Variants in CNBD1 observed in about 807,000 individuals in gnomAD.
CNBD1 encodes the protein cyclic nucleotide binding domain containing 1.
CNBD1 carries 71 observed loss-of-function variants against 54.4 expected under a neutral mutation model. The ratio of observed to expected loss-of-function variants is 1.30; its 90% CI spans 1.08 to 1.59. The LOEUF is 1.59. CNBD1 is among the 40% of genes most tolerant of loss of function. The pLI, the probability that CNBD1 is intolerant of heterozygous loss-of-function variation, is 0.00. For missense variants in CNBD1, 659 were observed against 518.0 expected (o/e 1.27, Z -2.64); for synonymous variants, 182 against 170.7 (o/e 1.07, Z -0.51).
At chr8:87,307,040 C>T (rs995955747) in intron 8 of CNBD1, among the ~76,000 whole-genome samples, 11 of 152,172 alleles carry the variant, frequency 7.2e-5, no homozygotes, top group African/African-American at 1.7e-4. Flanking sequence ...ATAAAATAAT[C>T]GTAAAAATTT....
chr8:87,216,999 T>G, intron 5 of CNBD1, among the ~76,000 whole-genome samples: 1 of 152,166 alleles, frequency 6.6e-6, no homozygotes, highest in East Asian at 1.9e-4. Context: ...CTCTCCCTGT[T>G]ATCTGTTATC....
intron 8 of CNBD1, among the ~76,000 whole-genome samples, chr8:87,293,667 A>G (rs937772098): frequency 1.3e-5 from 2 of 152,236 alleles, no homozygotes; most frequent in Admixed American, 1.3e-4. Flanking sequence ...AAAAAGTATG[A>G]TTTTTAAACA....
chr8:87,207,801 G>A (rs1477094059), intron 5 of CNBD1, among the ~76,000 whole-genome samples: 1 of 152,086 alleles, frequency 6.6e-6, no homozygotes, highest in Non-Finnish European at 1.5e-5. Flanking sequence ...CAAGTGTCAG[G>A]TATTCCAACT....
Position 86,887,756 on chromosome 8 carries a change from G to A in CNBD1, c.158+145G>A, listed in dbSNP as rs114280865. ...GATAAAAACAGTTGAAAACCTGGGG[G>A]TTATTTCTTCAGATTGAAGGGGCAG... is the stretch of plus-strand genomic sequence containing the variant. On this transcript the variant is annotated intron_variant, in intron 2 of 10. Coordinates refer to ENST00000518476, the MANE Select transcript of CNBD1 (RefSeq NM_173538.3). The A allele has an allele frequency of 5.6e-3, 3,212 of 576,434 alleles. 103 individuals carry two copies. In the African/African-American group the frequency reaches 0.056, roughly 10 times the overall value. The allele number at this position is 576,434 out of a possible 1,614,324, so 35.7% of individuals were successfully genotyped here. A position where few individuals can be genotyped will look rare whatever the true frequency, so the allele number is the denominator to read the frequency against.
chr8:87,019,626 C>T (rs1294576036), intron 4 of CNBD1, among the ~76,000 whole-genome samples: 1 of 152,062 alleles, frequency 6.6e-6, no homozygotes, highest in Non-Finnish European at 1.5e-5. Flanking sequence ...ACTTGTCATC[C>T]CAGCACTTTG....
intron 4 of CNBD1, among the ~76,000 whole-genome samples, chr8:87,148,873 A>C (rs1469380370): frequency 6.6e-6 from 1 of 152,228 alleles, no homozygotes; most frequent in African/African-American, 2.4e-5. Context: ...GCTACTACTC[A>C]TAGGGGATTA....
chr8:86,869,871 G>A (rs990873941), intron 1 of CNBD1, among the ~76,000 whole-genome samples: 11 of 151,994 alleles, frequency 7.2e-5, no homozygotes, highest in Non-Finnish European at 1.3e-4. Flanking sequence ...TTTAATGGAA[G>A]GCAAGAAGCT....
At chr8:87,191,686 G>A (rs926144476) in intron 4 of CNBD1, among the ~76,000 whole-genome samples, 1 of 152,110 alleles carries the variant, frequency 6.6e-6, no homozygotes, top group Non-Finnish European at 1.5e-5. Flanking sequence ...TTAGTTCTTA[G>A]TCATTGCTGT....
intron 4 of CNBD1, among the ~76,000 whole-genome samples, chr8:86,946,322 C>A (rs1046081912): frequency 2.0e-5 from 3 of 151,942 alleles, no homozygotes; most frequent in Non-Finnish European, 4.4e-5. Flanking sequence ...TACAAAGTTG[C>A]CCGGAAAATT....
intron 8 of CNBD1, among the ~76,000 whole-genome samples, chr8:87,344,359 C>A (rs1232127146): frequency 6.6e-6 from 1 of 151,744 alleles, no homozygotes; most frequent in African/African-American, 2.4e-5. Flanking sequence ...TTTACAAAGT[C>A]TAATAAGAAA....
intron 8 of CNBD1, among the ~76,000 whole-genome samples, chr8:87,343,676 T>C (rs979755323): frequency 2.0e-5 from 3 of 152,320 alleles, no homozygotes; most frequent in African/African-American, 7.2e-5. Context: ...TGGAACACTT[T>C]TTCATTGCAC....
At chr8:87,419,991 T>C (rs943467641) in intron 2 of CNBD1, among the ~76,000 whole-genome samples, 2 of 149,798 alleles carry the variant, frequency 1.3e-5, no homozygotes, top group African/African-American at 4.9e-5. Context: ...TAGCAATATG[T>C]AAGTATATTG....
At chr8:86,877,113 T>C (rs957405530) in intron 1 of CNBD1, among the ~76,000 whole-genome samples, 52 of 152,104 alleles carry the variant, frequency 3.4e-4, no homozygotes, top group African/African-American at 1.2e-3. Context: ...CTTTGGTCAG[T>C]TATATTCATA....
intron 4 of CNBD1, among the ~76,000 whole-genome samples, chr8:86,965,843 G>C (rs1461236989): frequency 1.3e-5 from 2 of 152,150 alleles, no homozygotes. Flanking sequence ...CTCATAGGCA[G>C]ATCATCCGTG....
intron 2 of CNBD1, among the ~76,000 whole-genome samples, chr8:87,390,036 G>T (rs1183118712): frequency 2.0e-5 from 3 of 150,838 alleles, no homozygotes; most frequent in Admixed American, 2.0e-4. Flanking sequence ...GGGAAAACAG[G>T]CTAGCCATAT....
intron 4 of CNBD1, among the ~76,000 whole-genome samples, chr8:86,950,390 A>G (rs1285017461): frequency 6.6e-6 from 1 of 152,124 alleles, no homozygotes; most frequent in Non-Finnish European, 1.5e-5. Flanking sequence ...TTTAGGTATC[A>G]ATTAAAACAA....
chr8:87,332,350 G>GAA (rs34418577), intron 8 of CNBD1, among the ~76,000 whole-genome samples: 30 of 116,392 alleles, frequency 2.6e-4, no homozygotes, highest in African/African-American at 8.5e-4. Flanking sequence ...TCTGTCTAAA[G>GAA]AAAAAAAAAA....
chr8:87,380,084 A>C (rs1424399736), intron 10 of CNBD1, among the ~76,000 whole-genome samples: 3 of 151,990 alleles, frequency 2.0e-5, no homozygotes, highest in Admixed American at 1.3e-4. Flanking sequence ...CAAAGGAACC[A>C]AATATCTGTG....
At chr8:87,380,158 T>G (rs1811045323) in intron 10 of CNBD1, among the ~76,000 whole-genome samples, 1 of 151,980 alleles carries the variant, frequency 6.6e-6, no homozygotes, top group Non-Finnish European at 1.5e-5. Flanking sequence ...AAAAGATTAA[T>G]ATAATTTAAT....
Sources: allele counts gnomAD v4.1 joint callset (sites outside exome capture counted in the v4.1 genomes callset), GRCh38; gene constraint gnomAD v4.1.1; transcripts MANE v1.5; gene names NCBI Gene and HGNC (gene_info 2026-07-23, HGNC 2026-07-21).